DHRS4L2: variants seen among roughly 807,000 people sequenced by gnomAD.
The protein encoded by DHRS4L2 is dehydrogenase/reductase 4 like 2, also known as dehydrogenase/reductase SDR family member 4-like 2.
A neutral mutation model predicts 23.9 loss-of-function variants in DHRS4L2; 22 were observed. The observed-to-expected ratio is 0.92, with a 90% CI of 0.66 to 1.31. The LOEUF (loss-of-function observed/expected upper bound fraction) is 1.31. Ranked by LOEUF, DHRS4L2 falls within the 40% of genes most tolerant of loss-of-function variation. The probability of loss-of-function intolerance (pLI) is 0.00; values close to 1 mark genes in which losing one functional copy is unlikely to be tolerated. For missense variants in DHRS4L2, 385 were observed against 303.3 expected, an observed-to-expected ratio of 1.27 and a Z score of -2.00; for synonymous variants, 141 against 123.7, an observed-to-expected ratio of 1.14 and a Z score of -0.93.
chr14:23,976,456 A>G (rs1182520668), intron 1 of DHRS4L2, among the ~76,000 whole-genome samples: 1 of 151,878 alleles, frequency 6.6e-6, no homozygotes, highest in Non-Finnish European at 1.5e-5. Flanking sequence ...AGGAAACAAT[A>G]GAAGCTGGAG....
In DHRS4L2 at chr14:23,990,951, A is replaced by G. The variant is rs559684651; in HGVS notation, c.306+592A>G. ...CTTTATTGGCTGCCTGTGGACTACC[A>G]GGTACTGGACTTCAGTCTCAAAGAA... is the stretch of plus-strand genomic sequence containing the variant. On this transcript the variant is annotated intron_variant, in intron 2 of 7. Transcript: ENST00000335125. The G allele has an allele frequency of 2.9e-5, 25 of 854,990 alleles. 1 individual carries two copies. The South Asian group carries it at 9.1e-4, about 31-fold the overall frequency. The allele number at this position is 854,990 out of a possible 1,614,324, so 53.0% of individuals were successfully genotyped here.
chr14:23,971,735 G>A (rs185683350), intron 1 of DHRS4L2, among the ~76,000 whole-genome samples: 40 of 152,152 alleles, frequency 2.6e-4, no homozygotes, highest in East Asian at 1.2e-3. Flanking sequence ...ACTAAGCTTC[G>A]TATGTGAATG....
chr14:23,989,906 A>G (rs1226936327), intron 1 of DHRS4L2, among the ~76,000 whole-genome samples: 1 of 151,614 alleles, frequency 6.6e-6, no homozygotes, highest in Non-Finnish European at 1.5e-5. Flanking sequence ...TCTCAGTCCC[A>G]ACAGGAGATG....
In DHRS4L2 at chr14:23,993,965, AC is replaced by A. The variant is rs569571601; in HGVS notation, c.307-1063del. 1.1e-3 allele frequency among the ~76,000 whole-genome samples: 164 copies of A among 150,956 alleles called. 2 individuals are homozygous for A. The highest frequency in any genetic ancestry group is 3.8e-3 in the African/African-American group (156 of 41,118). Reference sequence around the variant, plus strand: ...CTTTGTGCCCTGAAAAAATCACTTCACCCCTCCCAAACACAGAATAAGCAGG... The same window carrying A: ...CTTTGTGCCCTGAAAAAATCACTTCACCCTCCCAAACACAGAATAAGCAGG... On this transcript the variant is annotated intron_variant, in intron 2 of 7. Transcript: ENST00000335125.
At chr14:23,973,386 T>G (rs77213348) in intron 1 of DHRS4L2, among the ~76,000 whole-genome samples, 11,749 of 151,790 alleles carry the variant, frequency 0.077, 705 homozygotes, top group East Asian at 0.23. Flanking sequence ...CTCCCTGCAA[T>G]CTGAGGAAGC....
chr14:23,971,641 C>T (rs977756859), intron 1 of DHRS4L2, among the ~76,000 whole-genome samples: 1 of 151,944 alleles, frequency 6.6e-6, no homozygotes, highest in African/African-American at 2.4e-5. Flanking sequence ...CAGCAGAAAC[C>T]ATACAAACCA....
intron 7 of DHRS4L2, 158 bp downstream of exon 7, chr14:24,004,550 C>T (rs2034538118): frequency 2.0e-6 from 2 of 1,004,396 alleles, no homozygotes; most frequent in Non-Finnish European, 3.0e-6. Context: ...ACTACAGTGA[C>T]CTGAGCAAGA....
upstream of DHRS4L2, among the ~76,000 whole-genome samples, chr14:23,986,778 C>T (rs563095201): frequency 9.8e-4 from 127 of 130,188 alleles, no homozygotes; most frequent in African/African-American, 3.7e-3. Flanking sequence ...CCCTGAGAAC[C>T]CCCGCAGCAG....
chr14:23,993,155 A>T (rs147167928), intron 2 of DHRS4L2, among the ~76,000 whole-genome samples: 1 of 151,278 alleles, frequency 6.6e-6, no homozygotes, highest in East Asian at 1.9e-4. Flanking sequence ...ATGTGTACTG[A>T]GCACAGTGCA....
Position 24,005,801 on chromosome 14 carries a change from A to G in DHRS4L2, c.*23-85A>G, listed in dbSNP as rs1310175293. On this transcript the variant is annotated intron_variant, in intron 7 of 7. Coordinates refer to ENST00000335125, the MANE Select transcript of DHRS4L2 (RefSeq NM_198083.4). ...AAAAGTCATCTGATAATTCTTGATT[A>G]AGCAAATTTAACTCCCCGTGTCCCA... 1.9e-6 allele frequency: 3 copies of G among 1,561,386 alleles called. No individual in the cohort carries two copies. The Admixed American group carries it at 5.8e-5, about 30-fold the overall frequency.
At chr14:23,984,285 T>C (rs2034102848), upstream of DHRS4L2, among the ~76,000 whole-genome samples, 1 of 151,716 alleles carries the variant, frequency 6.6e-6, no homozygotes, top group Non-Finnish European at 1.5e-5. Flanking sequence ...TTTCTTTCCC[T>C]TTTTAAAATA....
At chr14:23,999,440 A>C (rs1176014216) in intron 3 of DHRS4L2, among the ~76,000 whole-genome samples, 1 of 150,746 alleles carries the variant, frequency 6.6e-6, no homozygotes, top group Non-Finnish European at 1.5e-5. Flanking sequence ...TATTTTTTAA[A>C]CTATCACAGT....
At position 23,988,965 on chromosome 14, in the gene DHRS4L2, G is replaced by T. The variant is rs1231888943; in HGVS notation, c.18G>T (p.Leu6=). 3 of 1,612,218 alleles carry T rather than the reference G, an allele frequency of 1.9e-6. No individual in the cohort carries two copies. The highest frequency in any genetic ancestry group is 1.7e-5 in the Admixed American group (1 of 59,972). Residue 6 remains leucine (L), a synonymous_variant, in exon 1 of 8, where the codon CTG becomes CTT. Transcript: ENST00000335125. MQMAR[L]LGLCAWARKS... ...TCTGATCCATGCAGATGGCCAGGCT[G>T]CTAGGCCTCTGTGCCTGGGCACGGA... is the stretch of plus-strand genomic sequence containing the variant.
chr14:23,973,446 G>A (rs577125557), intron 1 of DHRS4L2, among the ~76,000 whole-genome samples: 28 of 152,056 alleles, frequency 1.8e-4, no homozygotes, highest in African/African-American at 2.4e-4. Flanking sequence ...GTGCAGCGGC[G>A]GGCTGAAGGG....
intron 2 of DHRS4L2, among the ~76,000 whole-genome samples, chr14:23,993,462 C>T (rs564018619): frequency 4.6e-5 from 7 of 151,718 alleles, no homozygotes; most frequent in South Asian, 4.2e-4. Flanking sequence ...TAACACCCCT[C>T]TCTGTGCCAA....
At chr14:23,996,486 A>G (rs2034384773) in intron 3 of DHRS4L2, among the ~76,000 whole-genome samples, 1 of 150,710 alleles carries the variant, frequency 6.6e-6, no homozygotes, top group Admixed American at 6.7e-5. Flanking sequence ...AAACAACAAC[A>G]ACAACAATGA....
chr14:23,989,139 C>A lies in DHRS4L2; in HGVS notation c.128+64C>A, dbSNP rs958800310. ...CTGGAAACATGCACTGGTGTCTCGT[C>A]CTTTGCCTCCAGTGCCCCTGTCCTC... On this transcript the variant is annotated intron_variant, in intron 1 of 7. Coordinates refer to ENST00000335125, the MANE Select transcript of DHRS4L2 (RefSeq NM_198083.4). The A allele has an allele frequency of 3.3e-5, 51 of 1,538,772 alleles. 2 individuals are homozygous for A. The Middle Eastern group carries it at 6.8e-4, about 21-fold the overall frequency.
chr14:23,991,671 A>C (rs1433571350), intron 2 of DHRS4L2, among the ~76,000 whole-genome samples: 2 of 151,578 alleles, frequency 1.3e-5, no homozygotes, highest in Non-Finnish European at 2.9e-5. Flanking sequence ...AGTGGAGAGC[A>C]CAGGCTCAGG....
At chr14:23,983,098 C>T (rs1175741734) in intron 1 of DHRS4L2, among the ~76,000 whole-genome samples, 4 of 151,528 alleles carry the variant, frequency 2.6e-5, no homozygotes, top group Non-Finnish European at 4.4e-5. Context: ...ACAGGCAACC[C>T]ACAGAATGGA....
Sources: allele counts gnomAD v4.1 joint callset (sites outside exome capture counted in the v4.1 genomes callset), GRCh38; gene constraint gnomAD v4.1.1; transcripts MANE v1.5; gene names NCBI Gene and HGNC (gene_info 2026-07-23, HGNC 2026-07-21).